SCHIP1: variants seen among roughly 807,000 people sequenced by gnomAD.
SCHIP1 encodes the protein schwannomin interacting protein 1.
SCHIP1 carries 8 observed loss-of-function variants against 29.7 expected under a neutral mutation model. The ratio of observed to expected loss-of-function variants is 0.27; its 90% CI spans 0.16 to 0.49. The LOEUF (loss-of-function observed/expected upper bound fraction) is 0.49. SCHIP1 is among the 20% of genes least tolerant of loss of function. The probability of loss-of-function intolerance (pLI) is 0.99; values close to 1 mark genes in which losing one functional copy is unlikely to be tolerated. For synonymous variants in SCHIP1, 76 were observed against 94.9 expected (o/e 0.80, Z 1.16); for missense variants, 193 against 294.6 (o/e 0.66, Z 2.52).
chr3:159,304,108 CGG>C, the SCHIP1 span, among the ~76,000 whole-genome samples: 2 of 149,118 alleles, frequency 1.3e-5, no homozygotes, highest in Non-Finnish European at 3.0e-5. Flanking sequence ...TGAGAATATA[CGG>C]TGTTTGGTTT....
At chr3:159,375,213 G>A in the SCHIP1 span, among the ~76,000 whole-genome samples, 2 of 152,156 alleles carry the variant, frequency 1.3e-5, no homozygotes, top group East Asian at 3.9e-4. Context: ...AGCAATGACA[G>A]GTGACCATCA....
At chr3:159,321,049 C>T in the SCHIP1 span, among the ~76,000 whole-genome samples, 3 of 152,250 alleles carry the variant, frequency 2.0e-5, no homozygotes, top group East Asian at 1.9e-4. Flanking sequence ...ACTGCAACCT[C>T]GGTCTCCTGG....
At chr3:159,274,238 C>T in the SCHIP1 span, 1 of 985,172 alleles carries the variant, frequency 1.0e-6, no homozygotes, top group African/African-American at 1.7e-5. Flanking sequence ...CCTTTGTATG[C>T]ACAAGACTCT....
chr3:159,679,403 T>G, the SCHIP1 span, among the ~76,000 whole-genome samples: 4 of 152,184 alleles, frequency 2.6e-5, no homozygotes, highest in Non-Finnish European at 5.9e-5. Flanking sequence ...CTCAGACTTG[T>G]GGGGAAGAGT....
At chr3:159,437,164 C>T in the SCHIP1 span, among the ~76,000 whole-genome samples, 1 of 152,102 alleles carries the variant, frequency 6.6e-6, no homozygotes, top group Non-Finnish European at 1.5e-5. Flanking sequence ...CCTTGTTCTT[C>T]TTTTGAGACA....
At chr3:159,704,404 C>A in the SCHIP1 span, among the ~76,000 whole-genome samples, 1 of 122,302 alleles carries the variant, frequency 8.2e-6, no homozygotes, top group Non-Finnish European at 1.6e-5. Flanking sequence ...CATTGCGCTC[C>A]AGCAATTTTT....
At chr3:159,700,079 T>G in the SCHIP1 span, among the ~76,000 whole-genome samples, 1 of 152,200 alleles carries the variant, frequency 6.6e-6, no homozygotes, top group Non-Finnish European at 1.5e-5. Flanking sequence ...CTTTTCTACC[T>G]TAATAAAATG....
the SCHIP1 span, among the ~76,000 whole-genome samples, chr3:159,724,155 T>C: frequency 1.3e-5 from 2 of 152,236 alleles, no homozygotes; most frequent in African/African-American, 4.8e-5. Flanking sequence ...TCTATAGGGA[T>C]TGACCATTTG....
chr3:159,459,727 T>C, the SCHIP1 span, among the ~76,000 whole-genome samples: 3 of 152,140 alleles, frequency 2.0e-5, no homozygotes, highest in African/African-American at 7.2e-5. Context: ...TACAATGTAA[T>C]TGTATTTAGA....
chr3:159,764,249 T>C, the SCHIP1 span: 1 of 553,482 alleles, frequency 1.8e-6, no homozygotes, highest in Non-Finnish European at 3.1e-6. The surrounding 1 kb of genome is among the most constrained non-coding windows in gnomAD (Gnocchi z 6.1). Context: ...GGAAGTCTGG[T>C]TGTGCGAGAG....
the SCHIP1 span, among the ~76,000 whole-genome samples, chr3:159,286,533 T>C: frequency 1.9e-4 from 29 of 152,346 alleles, no homozygotes; most frequent in Admixed American, 1.7e-3. Context: ...GCGATTAGCA[T>C]ACATGAGCAT....
chr3:159,726,355 G>A, the SCHIP1 span, among the ~76,000 whole-genome samples: 1 of 152,200 alleles, frequency 6.6e-6, no homozygotes, highest in Non-Finnish European at 1.5e-5. Context: ...AATTCCAGGT[G>A]CAGAAATGTT....
chr3:159,739,380 C>CAA, the SCHIP1 span, among the ~76,000 whole-genome samples: 1 of 152,162 alleles, frequency 6.6e-6, no homozygotes, highest in Non-Finnish European at 1.5e-5. Context: ...GAGGAACATT[C>CAA]AATAGGAAGC....
chr3:159,374,084 G>A, the SCHIP1 span, among the ~76,000 whole-genome samples: 2 of 152,070 alleles, frequency 1.3e-5, no homozygotes, highest in African/African-American at 2.4e-5. Context: ...ACGGATCCAT[G>A]AATACAATAT....
At chr3:159,707,648 A>G in the SCHIP1 span, among the ~76,000 whole-genome samples, 1,548 of 152,324 alleles carry the variant, frequency 0.01, 40 homozygotes, top group Non-Finnish European at 9.9e-3. Flanking sequence ...ACCATGGTCC[A>G]CAAATCTGTT....
chr3:159,856,937 A>G (rs916379530), intron 1 of SCHIP1, among the ~76,000 whole-genome samples: 7 of 152,142 alleles, frequency 4.6e-5, no homozygotes, highest in Non-Finnish European at 1.0e-4. Flanking sequence ...CTGAGGAAAA[A>G]CAGCCGTCGA....
At chr3:159,882,728 G>A (rs113715808) in intron 2 of SCHIP1, among the ~76,000 whole-genome samples, 46 of 152,170 alleles carry the variant, frequency 3.0e-4, no homozygotes, top group African/African-American at 1.0e-3. Context: ...AAAACTTTTC[G>A]TCTCTGCCAT....
At chr3:159,786,231 G>A in the SCHIP1 span, among the ~76,000 whole-genome samples, 1 of 152,138 alleles carries the variant, frequency 6.6e-6, no homozygotes, top group African/African-American at 2.4e-5. Flanking sequence ...TTTAAACATA[G>A]GTCTCCTTTT....
the SCHIP1 span, among the ~76,000 whole-genome samples, chr3:159,682,345 G>C: frequency 8.5e-5 from 13 of 152,146 alleles, no homozygotes; most frequent in African/African-American, 3.1e-4. Flanking sequence ...AGCCAATTGA[G>C]CATAAAATGA....
Sources: gnomAD v4.1 joint callset for allele counts (sites outside exome capture counted in the v4.1 genomes callset) on GRCh38, gnomAD v4.1.1 for gene constraint, Gnocchi (gnomAD v3.1) non-coding constraint, MANE v1.5 for transcripts, NCBI Gene and HGNC (gene_info 2026-07-23, HGNC 2026-07-21) for gene names.